Variants in CDH12 observed in about 807,000 individuals in gnomAD.
CDH12 encodes the protein cadherin-12.
CDH12 carries 41 observed loss-of-function variants against 74.1 expected under a neutral mutation model. The ratio of observed to expected loss-of-function variants is 0.55; its 90% CI spans 0.43 to 0.72. The LOEUF (loss-of-function observed/expected upper bound fraction) is 0.72, where lower values mean the gene tolerates loss of function less well. Ranked by LOEUF, CDH12 falls within the 30% of genes least tolerant of loss-of-function variation. CDH12 has a pLI of 0.00. For synonymous variants in CDH12, 399 were observed against 355.0 expected, an observed-to-expected ratio of 1.12 and a Z score of -1.39; for missense variants, 945 against 977.2, an observed-to-expected ratio of 0.97 and a Z score of 0.44.
At chr5:22,469,726 C>G (rs1420094380) in intron 2 of CDH12, among the ~76,000 whole-genome samples, 1 of 152,096 alleles carries the variant, frequency 6.6e-6, no homozygotes, top group African/African-American at 2.4e-5. Context: ...ATTCTCCTGT[C>G]ATATTTTTTC....
At chr5:22,402,158 G>C (rs1420061408) in intron 3 of CDH12, among the ~76,000 whole-genome samples, 1 of 152,196 alleles carries the variant, frequency 6.6e-6, no homozygotes, top group Non-Finnish European at 1.5e-5. Flanking sequence ...AAATGCAGAA[G>C]GTGATTTGGA....
intron 6 of CDH12, among the ~76,000 whole-genome samples, chr5:21,917,102 C>T (rs1754131874): frequency 6.6e-6 from 1 of 152,142 alleles, no homozygotes; most frequent in African/African-American, 2.4e-5. Flanking sequence ...TAACATTTTT[C>T]AGGTGTGGTT....
intron 1 of CDH12, among the ~76,000 whole-genome samples, chr5:22,709,438 A>C (rs191451164): frequency 6.6e-6 from 1 of 152,184 alleles, no homozygotes; most frequent in Admixed American, 6.5e-5. Context: ...CTCATCTGTC[A>C]GCAATTTTGC....
chr5:22,681,755 G>A (rs924219897), intron 1 of CDH12, among the ~76,000 whole-genome samples: 1 of 151,996 alleles, frequency 6.6e-6, no homozygotes, highest in Non-Finnish European at 1.5e-5. Flanking sequence ...CAAATTTTTA[G>A]AAATCTGGTA....
At chr5:21,874,890 A>G (rs1201200606) in intron 6 of CDH12, among the ~76,000 whole-genome samples, 1 of 152,154 alleles carries the variant, frequency 6.6e-6, no homozygotes, top group Non-Finnish European at 1.5e-5. Context: ...TGCATGGCCC[A>G]AAGTTTCATT....
At chr5:22,232,524 T>A (rs1458550168) in intron 3 of CDH12, among the ~76,000 whole-genome samples, 1 of 151,810 alleles carries the variant, frequency 6.6e-6, no homozygotes, top group African/African-American at 2.4e-5. Flanking sequence ...TGGGATGACA[T>A]CAATGGTGTC....
At chr5:21,939,784 A>G (rs1479539026) in intron 6 of CDH12, among the ~76,000 whole-genome samples, 1 of 152,200 alleles carries the variant, frequency 6.6e-6, no homozygotes, top group East Asian at 1.9e-4. Context: ...GTATTTACAG[A>G]ACTTTATTCC....
chr5:22,436,161 C>T (rs1031089532), intron 2 of CDH12, among the ~76,000 whole-genome samples: 25 of 150,290 alleles, frequency 1.7e-4, no homozygotes, highest in Non-Finnish European at 3.1e-4. Context: ...AGCAAACTAT[C>T]GCAAGGACAA....
At chr5:22,588,928 C>T (rs1235584684) in intron 1 of CDH12, among the ~76,000 whole-genome samples, 1 of 152,168 alleles carries the variant, frequency 6.6e-6, no homozygotes, top group Non-Finnish European at 1.5e-5. Context: ...CTCTTATAGG[C>T]TATAACCACG....
chr5:22,367,640 T>G (rs560930194), intron 3 of CDH12, among the ~76,000 whole-genome samples: 1 of 152,200 alleles, frequency 6.6e-6, no homozygotes, highest in Non-Finnish European at 1.5e-5. Context: ...AGTTTCCTTA[T>G]GCTTTCACTT....
intron 1 of CDH12, among the ~76,000 whole-genome samples, chr5:22,584,548 T>A (rs1201525639): frequency 6.6e-6 from 1 of 152,238 alleles, no homozygotes; most frequent in African/African-American, 2.4e-5. Flanking sequence ...GTTTTGAATT[T>A]TTTTGTGTGT....
Position 22,434,139 on chromosome 5 carries a change from T to C in CDH12, c.-427-28788A>G, listed in dbSNP as rs112401529. On this transcript the variant is annotated intron_variant, in intron 2 of 14. Transcript: ENST00000382254. ...AGAAATGACTCCACAAATATTTGTG[T>C]AGAGCTATTCAAAATATACAAACTC... Among the ~76,000 whole-genome samples the C allele has an allele frequency of 6.3e-3, 963 of 152,234 alleles. 11 individuals are homozygous for C. The highest frequency in any genetic ancestry group is 0.022 in the African/African-American group (920 of 41,560).
intron 1 of CDH12, among the ~76,000 whole-genome samples, chr5:22,552,500 C>T (rs1373675412): frequency 6.6e-6 from 1 of 151,530 alleles, no homozygotes. Context: ...ATGATCTTGG[C>T]TCACAGCAAC....
chr5:22,526,285 A>C (rs1290355215), intron 1 of CDH12, among the ~76,000 whole-genome samples: 1 of 152,170 alleles, frequency 6.6e-6, no homozygotes, highest in East Asian at 1.9e-4. Context: ...TTTCAATTGT[A>C]ACACAGGTCA....
At chr5:21,956,213 A>G (rs190619557) in intron 6 of CDH12, among the ~76,000 whole-genome samples, 1 of 152,116 alleles carries the variant, frequency 6.6e-6, no homozygotes, top group African/African-American at 2.4e-5. Context: ...GGAATAATTA[A>G]TATACTGAAA....
chr5:21,798,477 C>T (rs1397390835), intron 10 of CDH12, among the ~76,000 whole-genome samples: 1 of 152,044 alleles, frequency 6.6e-6, no homozygotes, highest in East Asian at 1.9e-4. Flanking sequence ...TTTTAGAGTT[C>T]TCTCCTGATT....
At chr5:22,819,902 T>C (rs1440764761) in intron 1 of CDH12, among the ~76,000 whole-genome samples, 1 of 148,424 alleles carries the variant, frequency 6.7e-6, no homozygotes, top group African/African-American at 2.5e-5. Flanking sequence ...ATAAGATATC[T>C]AGATATTTAA....
At chr5:22,099,715 T>C (rs1256519126) in intron 4 of CDH12, among the ~76,000 whole-genome samples, 1 of 152,218 alleles carries the variant, frequency 6.6e-6, no homozygotes, top group Admixed American at 6.5e-5. Context: ...ACCCCCAAAC[T>C]GCCACTCTTA....
intron 3 of CDH12, among the ~76,000 whole-genome samples, chr5:22,258,010 G>T (rs1285449566): frequency 6.6e-6 from 1 of 152,014 alleles, no homozygotes; most frequent in Non-Finnish European, 1.5e-5. Flanking sequence ...ATTAAGTAAA[G>T]AAAAATATTC....
Sources: allele counts gnomAD v4.1 joint callset (sites outside exome capture counted in the v4.1 genomes callset), GRCh38; gene constraint gnomAD v4.1.1; transcripts MANE v1.5; gene names NCBI Gene and HGNC (gene_info 2026-07-23, HGNC 2026-07-21).